AK9: variants seen among roughly 807,000 people sequenced by gnomAD.
AK9 encodes adenylate kinase domain containing 1.
Under a neutral mutation model 239.6 loss-of-function variants are expected in AK9, and 191 were observed. The ratio of observed to expected loss-of-function variants is 0.80; its 90% CI spans 0.71 to 0.90. The LOEUF is 0.90. AK9 is among the 40% of genes least tolerant of loss of function. AK9 has a pLI of 0.00. For synonymous variants in AK9, 689 were observed against 721.0 expected (o/e 0.96, Z 0.71); for missense variants, 1,995 against 2,214.7 (o/e 0.90, Z 1.99).
intron 12 of AK9, among the ~76,000 whole-genome samples, chr6:109,623,269 TCTC>T (rs945368513): frequency 2.6e-5 from 4 of 152,178 alleles, no homozygotes; most frequent in African/African-American, 9.7e-5. Flanking sequence ...GGAGCCTAAT[TCTC>T]CTCTTTAGTG....
intron 17 of AK9, among the ~76,000 whole-genome samples, chr6:109,606,108 G>A (rs1373443120): frequency 6.6e-6 from 1 of 152,018 alleles, no homozygotes; most frequent in Non-Finnish European, 1.5e-5. Context: ...GACAAAAATG[G>A]TATAACATTT....
chr6:109,533,229 T>C, intron 28 of AK9, 22 bp downstream of exon 28: 1 of 1,552,946 alleles, frequency 6.4e-7, no homozygotes. Context: ...ATTTATTCAA[T>C]GCATTTTTGC....
At chr6:109,659,619 T>A (rs1334666572) in intron 6 of AK9, among the ~76,000 whole-genome samples, 1 of 152,136 alleles carries the variant, frequency 6.6e-6, no homozygotes, top group Non-Finnish European at 1.5e-5. Context: ...TATGTTTTTA[T>A]TTGTCCAAAA....
intron 27 of AK9, among the ~76,000 whole-genome samples, chr6:109,536,511 G>C (rs1782013391): frequency 6.6e-6 from 1 of 152,168 alleles, no homozygotes; most frequent in Non-Finnish European, 1.5e-5. Context: ...GGGCTGAGAT[G>C]ATGGGGTTTT....
At chr6:109,524,379 G>A (rs1423905579) in intron 29 of AK9, among the ~76,000 whole-genome samples, 1 of 152,056 alleles carries the variant, frequency 6.6e-6, no homozygotes, top group African/African-American at 2.4e-5. Flanking sequence ...AAGACAAAGA[G>A]TAAATGAGGC....
intron 19 of AK9, among the ~76,000 whole-genome samples, chr6:109,584,315 G>C (rs9386819): frequency 0.19 from 28,785 of 151,946 alleles, 3,200 homozygotes; most frequent in South Asian, 0.34. Context: ...ATTTGAAAGG[G>C]AAAAGGAAAC....
chr6:109,653,692 C>G (rs1583445742), intron 8 of AK9, among the ~76,000 whole-genome samples: 1 of 142,646 alleles, frequency 7.0e-6, no homozygotes, highest in Non-Finnish European at 1.5e-5. Flanking sequence ...TTTTCTCTCT[C>G]TTTCTTTTTT....
chr6:109,615,090 T>C (rs1794005127), intron 13 of AK9, among the ~76,000 whole-genome samples: 1 of 152,222 alleles, frequency 6.6e-6, no homozygotes, highest in East Asian at 1.9e-4. Flanking sequence ...TACAGATCAC[T>C]GTTCTTCCTC....
intron 24 of AK9, among the ~76,000 whole-genome samples, chr6:109,553,804 C>T (rs1465908840): frequency 6.6e-6 from 1 of 152,118 alleles, no homozygotes; most frequent in Non-Finnish European, 1.5e-5. Flanking sequence ...ACGCTTCCAG[C>T]TCTTGCCCAT....
chr6:109,614,353 T>G, intron 14 of AK9, 32 bp downstream of exon 14: 1 of 1,549,092 alleles, frequency 6.5e-7, no homozygotes, highest in Middle Eastern at 1.7e-4. Context: ...AGGGATGATT[T>G]GGTCAATAAC....
intron 36 of AK9, 152 bp from the exon 37 acceptor site, chr6:109,498,117 G>T: frequency 1.5e-6 from 1 of 685,144 alleles, no homozygotes; most frequent in Non-Finnish European, 2.4e-6. Flanking sequence ...CTGAAAGGAA[G>T]TTCCTTACAG....
At chr6:109,601,714 A>C (rs1363582105) in intron 17 of AK9, among the ~76,000 whole-genome samples, 1 of 152,144 alleles carries the variant, frequency 6.6e-6, no homozygotes, top group African/African-American at 2.4e-5. Flanking sequence ...GTGGGAGTCT[A>C]AGTCTCTTTG....
chr6:109,665,079 T>TA (rs1801002429), intron 5 of AK9, among the ~76,000 whole-genome samples: 3 of 152,078 alleles, frequency 2.0e-5, no homozygotes, highest in Admixed American at 2.0e-4. Context: ...ACCATCATGC[T>TA]AATTCAAAAC....
chr6:109,539,301 T>G (rs1262412944), intron 27 of AK9, among the ~76,000 whole-genome samples: 3 of 152,214 alleles, frequency 2.0e-5, no homozygotes, highest in African/African-American at 7.2e-5. Context: ...TTTGTTCATT[T>G]CTTTTTACTC....
rs184405285 is a variant in AK9, at chr6:109,588,220, G to A, written c.1843-2148C>T. Among the ~76,000 whole-genome samples, 1,071 of 151,974 alleles carry A rather than the reference G, an allele frequency of 7.0e-3. 4 individuals carry two copies. The highest frequency in any genetic ancestry group is 0.011 in the Admixed American group (169 of 15,274). On this transcript the variant is annotated intron_variant, in intron 17 of 40. Transcript: ENST00000424296. Reference sequence around the variant, plus strand: ...CGTGTAGCTGGGACTACAGGCATGCGCCACCATGCCTGGCTAATTTTTGTA... The same window carrying A: ...CGTGTAGCTGGGACTACAGGCATGCACCACCATGCCTGGCTAATTTTTGTA...
intron 13 of AK9, 58 bp from the exon 14 acceptor site, chr6:109,614,538 A>T (rs1793939130): frequency 2.2e-6 from 3 of 1,388,296 alleles, no homozygotes; most frequent in Non-Finnish European, 3.0e-6. Flanking sequence ...AAAAACAGGT[A>T]GAGTGACCAA....
chr6:109,594,798 G>A (rs556161559), intron 17 of AK9, among the ~76,000 whole-genome samples: 69 of 152,310 alleles, frequency 4.5e-4, no homozygotes, highest in African/African-American at 1.6e-3. Flanking sequence ...GGGAAAACTG[G>A]TGAGCCATAT....
At chr6:109,674,358 T>G (rs529150767) in intron 2 of AK9, 97 bp from the exon 3 acceptor site, 10 of 764,004 alleles carry the variant, frequency 1.3e-5, no homozygotes, top group Non-Finnish European at 2.0e-5. Flanking sequence ...TAGTTACTAT[T>G]ACATCAATGT....
At position 109,586,021 on chromosome 6, in the gene AK9, A is replaced by T. The variant is rs2069101898; in HGVS notation, c.1894T>A (p.Trp632Arg). 1 of 1,551,278 alleles carries T rather than the reference A, an allele frequency of 6.4e-7. No homozygotes were observed. Among genetic ancestry groups the T allele is most frequent in the Non-Finnish European group, 8.7e-7 (1 of 1,146,914 alleles). Reference protein sequence around the residue: ...RFPGAPKYGGWIVDNCPIVKE... With the variant: ...RFPGAPKYGGRIVDNCPIVKE... ...ACAATAGGGCAGTTGTCCACAATCC[A>T]GCCTCCATATTTTGGGGCACCAGGA... The change falls in exon 18 of 41, where the codon TGG becomes AGG. Residue 632 changes from tryptophan to arginine, a missense_variant. Physicochemically the swap from Trp to Arg is moderately radical, Grantham distance 101. Coordinates refer to ENST00000424296, the MANE Select transcript of AK9 (RefSeq NM_001145128.3).
Sources: allele counts gnomAD v4.1 joint callset (sites outside exome capture counted in the v4.1 genomes callset), GRCh38; gene constraint gnomAD v4.1.1; transcripts MANE v1.5; gene names NCBI Gene and HGNC (gene_info 2026-07-23, HGNC 2026-07-21).